Variants in CEP170 observed in about 807,000 individuals in gnomAD.
The protein encoded by CEP170 is centrosomal protein 170, also known as centrosomal protein of 170 kDa.
A neutral mutation model predicts 151.9 loss-of-function variants in CEP170; 21 were observed. That is an observed-to-expected ratio of 0.14 (90% CI 0.10 to 0.20). CEP170 has a LOEUF of 0.20. CEP170 is among the 10% of genes least tolerant of loss of function. CEP170 has a pLI of 1.00. For synonymous variants in CEP170, 356 were observed against 648.8 expected, an observed-to-expected ratio of 0.55 and a Z score of 6.86; for missense variants, 964 against 1,892.9, an observed-to-expected ratio of 0.51 and a Z score of 9.11.
chr1:243,238,523 A>G (rs1332260641), intron 1 of CEP170, among the ~76,000 whole-genome samples: 3 of 152,214 alleles, frequency 2.0e-5, no homozygotes, highest in Non-Finnish European at 4.4e-5. Flanking sequence ...GAGGGTAAAC[A>G]GAAGCTAACA....
In CEP170 at chr1:243,164,924, A is replaced by C; in HGVS notation, c.3036T>G (p.Ser1012Arg). The change falls in exon 13 of 20, where the codon AGT becomes AGG. Residue 1012 changes from serine (S) to arginine (R), a missense_variant. Ser to Arg is a moderately radical substitution (Grantham distance 110). Coordinates refer to ENST00000366542, the MANE Select transcript of CEP170 (RefSeq NM_014812.3). ...CTACTGAGGGCTGTCTTATTCTCCC[A>C]CTGGACTGAACAAATTTACGACCAT... is the stretch of plus-strand genomic sequence containing the variant. ...RADGRKFVQS[S>R]GRIRQPSVDL... is the part of the protein sequence containing the mutation. 1 of 1,613,882 alleles carries C rather than the reference A, an allele frequency of 6.2e-7. No homozygotes were observed. Among genetic ancestry groups the C allele is most frequent in the Non-Finnish European group, 8.5e-7 (1 of 1,179,742 alleles).
At chr1:243,128,362 C>T (rs1386074091) in intron 18 of CEP170, 62 bp from the exon 19 acceptor site, 1 of 1,403,872 alleles carries the variant, frequency 7.1e-7, no homozygotes, top group African/African-American at 1.5e-5. Context: ...ACTTTACAAG[C>T]AATGAATTTC....
At chr1:243,200,876 T>C (rs1572232759) in intron 4 of CEP170, 41 bp from the exon 5 acceptor site, 1 of 1,578,990 alleles carries the variant, frequency 6.3e-7, no homozygotes, top group Non-Finnish European at 8.6e-7. Flanking sequence ...AAATTTCTGA[T>C]AATTGAGCTA....
chr1:243,243,333 G>A (rs1285660659), intron 1 of CEP170, among the ~76,000 whole-genome samples: 2 of 152,088 alleles, frequency 1.3e-5, no homozygotes, highest in Non-Finnish European at 2.9e-5. Flanking sequence ...GAAGGGTAGG[G>A]GGACAGTGGA....
chr1:243,142,862 A>T (rs1403031979), intron 14 of CEP170, among the ~76,000 whole-genome samples: 1 of 152,222 alleles, frequency 6.6e-6, no homozygotes, highest in Non-Finnish European at 1.5e-5. Context: ...AGTGACGCTT[A>T]GCATTTCTTT....
At chr1:243,244,143 G>A (rs1189971321) in intron 1 of CEP170, among the ~76,000 whole-genome samples, 1 of 152,086 alleles carries the variant, frequency 6.6e-6, no homozygotes, top group African/African-American at 2.4e-5. Context: ...ACTTTGAAAT[G>A]CATCAAAATA....
intron 14 of CEP170, among the ~76,000 whole-genome samples, chr1:243,146,681 A>AC (rs1431703209): frequency 7.5e-4 from 112 of 150,218 alleles, no homozygotes; most frequent in African/African-American, 1.2e-3. Flanking sequence ...AAAAAAAAAA[A>AC]CCCGAGATAT....
intron 12 of CEP170, chr1:243,166,687 A>G (rs976821725): frequency 1.3e-5 from 2 of 152,240 alleles, no homozygotes; most frequent in Non-Finnish European, 2.9e-5. Context: ...AGGAAGGCCA[A>G]TTGTATGAGA....
At chr1:243,239,518 T>C (rs1457052604) in intron 1 of CEP170, among the ~76,000 whole-genome samples, 34 of 152,220 alleles carry the variant, frequency 2.2e-4, no homozygotes, top group Admixed American at 2.2e-3. Context: ...TAGCTCCCTA[T>C]AGAGTTCAAG....
In CEP170 at chr1:243,188,301, T is replaced by C. The variant is rs201059003; in HGVS notation, c.1109-1879A>G. Among the ~76,000 whole-genome samples, 98 of 152,292 alleles carry C rather than the reference T, an allele frequency of 6.4e-4. 1 individual carries two copies. The highest frequency in any genetic ancestry group is 3.9e-3 in the Admixed American group (60 of 15,298). On this transcript the variant is annotated intron_variant, in intron 8 of 19. Coordinates refer to ENST00000366542, the MANE Select transcript of CEP170 (RefSeq NM_014812.3). Reference sequence around the variant, plus strand: ...AAAATACCATCTTCACAGAATTTAATTGATTCCAATAGATAAAATTTGGCA... The same window carrying C: ...AAAATACCATCTTCACAGAATTTAACTGATTCCAATAGATAAAATTTGGCA...
intron 1 of CEP170, among the ~76,000 whole-genome samples, chr1:243,237,640 G>A (rs1318692318): frequency 1.3e-5 from 2 of 152,152 alleles, no homozygotes; most frequent in Admixed American, 6.5e-5. Context: ...GGTGGCTCAC[G>A]CCTGTAATCC....
chr1:243,189,210 C>G (rs1374073888), intron 8 of CEP170, among the ~76,000 whole-genome samples: 1 of 152,074 alleles, frequency 6.6e-6, no homozygotes, highest in South Asian at 2.1e-4. Context: ...TGGAATTAGG[C>G]CCACAAATGG....
Position 243,185,707 on chromosome 1 carries a change from C to G in CEP170, c.1566+72G>C, listed in dbSNP as rs1406187031. On this transcript the variant is annotated intron_variant, in intron 10 of 19. Transcript: ENST00000366542. The surrounding 1 kb of genome is among the most constrained non-coding windows in gnomAD (Gnocchi z 4.9). ...ACTGCATGACAACATCTCATGCTGA[C>G]TCTCCAATAATTTCCACCAGTCAAA... 6.7e-7 allele frequency: 1 copy of G among 1,482,552 alleles called. No homozygotes were observed. The highest frequency in any genetic ancestry group is 2.3e-5 in the East Asian group (1 of 44,000). The allele number at this position is 1,482,552 out of a possible 1,614,324, so 91.8% of individuals were successfully genotyped here. A position where few individuals can be genotyped will look rare whatever the true frequency, so the allele number is the denominator to read the frequency against.
intron 4 of CEP170, chr1:243,211,349 A>G (rs1439602850): frequency 6.6e-6 from 1 of 152,326 alleles, no homozygotes; most frequent in East Asian, 1.9e-4. Context: ...AATACACACT[A>G]AATGCATAAT....
At chr1:243,178,308 CAAAAAAAAAAAAAAAAAA>C (rs869094317) in intron 10 of CEP170, among the ~76,000 whole-genome samples, 3 of 30,422 alleles carry the variant, frequency 9.9e-5, no homozygotes, top group African/African-American at 4.9e-4. Flanking sequence ...GACTCTGCCT[CAAAAAAAAAAAAAAAAAA>C]AAAAAAAAAG....
At position 243,124,550 on chromosome 1, in the gene CEP170, T is replaced by C. The variant is rs542780293; in HGVS notation, c.*1899A>G. 4 of 152,664 alleles carry C rather than the reference T, an allele frequency of 2.6e-5. No homozygotes were observed. Among genetic ancestry groups the C allele is most frequent in the African/African-American group, 9.6e-5 (4 of 41,552 alleles). The allele number at this position is 152,664 out of a possible 1,614,324, so 9.5% of individuals were successfully genotyped here. A position where few individuals can be genotyped will look rare whatever the true frequency, so the allele number is the denominator to read the frequency against. ...GTATTCATACAAAATAAAAATAACATAGTAAAAGGCCAAATGTTTATAATT... is the reference window on the plus strand; with the variant it reads ...GTATTCATACAAAATAAAAATAACACAGTAAAAGGCCAAATGTTTATAATT... On this transcript the variant is annotated 3_prime_UTR_variant, in exon 20 of 20. Coordinates refer to ENST00000366542, the MANE Select transcript of CEP170 (RefSeq NM_014812.3).
chr1:243,212,227 T>G (rs1190644498), intron 3 of CEP170, among the ~76,000 whole-genome samples: 1 of 152,152 alleles, frequency 6.6e-6, no homozygotes, highest in Non-Finnish European at 1.5e-5. Context: ...CTAAAAATGG[T>G]GCCAAGAAAA....
At chr1:243,235,103 G>A (rs535050770) in intron 1 of CEP170, among the ~76,000 whole-genome samples, 1 of 152,120 alleles carries the variant, frequency 6.6e-6, no homozygotes, top group African/African-American at 2.4e-5. Context: ...TAAGATACTG[G>A]GGAAAGAGAA....
chr1:243,242,962 A>C (rs1012766410), intron 1 of CEP170, among the ~76,000 whole-genome samples: 5 of 152,254 alleles, frequency 3.3e-5, no homozygotes, highest in African/African-American at 1.2e-4. Flanking sequence ...GGCCTGCCAA[A>C]GTGCTAGCTT....
Sources: allele counts gnomAD v4.1 joint callset (sites outside exome capture counted in the v4.1 genomes callset), GRCh38; gene constraint gnomAD v4.1.1; non-coding constraint Gnocchi (gnomAD v3.1); transcripts MANE v1.5; gene names NCBI Gene and HGNC (gene_info 2026-07-23, HGNC 2026-07-21).